The following RFX1 variants were observed in gnomAD, a reference collection of about 807,000 sequenced individuals.
RFX1 encodes the protein MHC class II regulatory factor RFX1.
RFX1 carries 42 observed loss-of-function variants against 119.6 expected under a neutral mutation model. The ratio of observed to expected loss-of-function variants is 0.35; its 90% CI spans 0.27 to 0.45. The LOEUF (loss-of-function observed/expected upper bound fraction) is 0.45. Ranked by LOEUF, RFX1 falls within the 20% of genes least tolerant of loss-of-function variation. The pLI is 1.00. For missense variants in RFX1, 1,118 were observed against 1,368.1 expected (o/e 0.82, Z 2.88); for synonymous variants, 628 against 618.5 (o/e 1.02, Z -0.23).
rs1342516027 is a variant in RFX1 at position 13,962,286 on chromosome 19, G to A, written c.*409C>T. Reference sequence around the variant, plus strand: ...GCGCCGGCCCGGGGCTCAGGGCTGGGCCCAGGACAGGCTGTGCAAAGCCAG... The same window carrying A: ...GCGCCGGCCCGGGGCTCAGGGCTGGACCCAGGACAGGCTGTGCAAAGCCAG... On this transcript the variant is annotated 3_prime_UTR_variant, in exon 21 of 21. Transcript: ENST00000254325. The A allele has an allele frequency of 9.7e-6, 2 of 205,652 alleles. No individual in the cohort carries two copies. The highest frequency in any genetic ancestry group is 2.0e-5 in the Non-Finnish European group (2 of 101,778). The allele number at this position is 205,652 out of a possible 1,614,324, so 12.7% of individuals were successfully genotyped here. A position where few individuals can be genotyped will look rare whatever the true frequency, so the allele number is the denominator to read the frequency against.
rs568267173 is a variant in RFX1 at position 14,001,207 on chromosome 19, C to T, written c.-53+4896G>A. Reference sequence around the variant, plus strand: ...TCTCCTCCTTATTCAGGTCTCAGCTCGTACACACTTCCTTGGGTCTGAAGG... The same window carrying T: ...TCTCCTCCTTATTCAGGTCTCAGCTTGTACACACTTCCTTGGGTCTGAAGG... On this transcript the variant is annotated intron_variant, in intron 1 of 20. Transcript: ENST00000254325. Among the ~76,000 whole-genome samples the T allele has an allele frequency of 1.4e-4, 22 of 152,352 alleles. No homozygotes were observed. In the East Asian group the frequency reaches 3.7e-3, roughly 25 times the overall value.
At chr19:13,999,736 C>T (rs1975151202) in intron 1 of RFX1, among the ~76,000 whole-genome samples, 1 of 151,750 alleles carries the variant, frequency 6.6e-6, no homozygotes, top group African/African-American at 2.4e-5. Context: ...AGTGCAATGG[C>T]ACAGTCTCTG....
In RFX1 at chr19:13,982,120, C is replaced by A; in HGVS notation, c.621+1G>T. The A allele has an allele frequency of 1.5e-6, 2 of 1,307,462 alleles. No homozygotes were observed. The highest frequency in any genetic ancestry group is 2.0e-6 in the Non-Finnish European group (2 of 1,017,454). The allele number at this position is 1,307,462 out of a possible 1,614,324, so 81.0% of individuals were successfully genotyped here. A position where few individuals can be genotyped will look rare whatever the true frequency, so the allele number is the denominator to read the frequency against. ...GGGCGGCCAACAGGACCACCACTTA[C>A]CTCTGGGGGCGAGTGCACCTGCTGG... On this transcript the variant is annotated splice_donor_variant, in intron 5 of 20. Transcript: ENST00000254325. LOFTEE classifies it high-confidence loss of function.
chr19:13,963,815 A>G, intron 17 of RFX1, 43 bp downstream of exon 17: 1 of 1,488,330 alleles, frequency 6.7e-7, no homozygotes, highest in Non-Finnish European at 8.9e-7. Flanking sequence ...CCGCCCCGTT[A>G]GGCTGCCCCT....
chr19:13,962,080 C>G lies in RFX1; in HGVS notation c.*615G>C, dbSNP rs1973696740. 1 of 152,328 alleles carries G rather than the reference C, an allele frequency of 6.6e-6. No individual in the cohort carries two copies. Among genetic ancestry groups the G allele is most frequent in the African/African-American group, 2.4e-5 (1 of 41,458 alleles). 9.4% of individuals were successfully genotyped at this position (152,328 alleles called of 1,614,324 possible). On this transcript the variant is annotated 3_prime_UTR_variant, in exon 21 of 21. Coordinates refer to ENST00000254325, the MANE Select transcript of RFX1 (RefSeq NM_002918.5). ...TGCCCCCTGCCGCCCTCCTCACAGC[C>G]GGGCCGGGCAGTGCCCCCTTCTTGA...
chr19:14,004,267 T>C (rs917742126), intron 1 of RFX1, among the ~76,000 whole-genome samples: 3 of 152,052 alleles, frequency 2.0e-5, no homozygotes, highest in Non-Finnish European at 2.9e-5. Context: ...CCCAGCATTT[T>C]GGGAGGCCGA....
At chr19:14,004,291 C>T (rs1242030497) in intron 1 of RFX1, among the ~76,000 whole-genome samples, 1 of 152,126 alleles carries the variant, frequency 6.6e-6, no homozygotes, top group Admixed American at 6.5e-5. Context: ...AGGTAAATCT[C>T]GAGGTCAAGA....
chr19:13,982,300 AGTGCCAGG>A, intron 4 of RFX1, 72 bp from the exon 5 acceptor site: 2 of 825,028 alleles, frequency 2.4e-6, no homozygotes, highest in African/African-American at 3.5e-5. Context: ...GCATCTGCGC[AGTGCCAGG>A]TGACATTCTA....
At chr19:13,982,058 G>T in intron 5 of RFX1, 63 bp downstream of exon 5, 2 of 797,348 alleles carry the variant, frequency 2.5e-6, no homozygotes, top group Admixed American at 3.7e-5. Flanking sequence ...ATATACTATG[G>T]GGATACATTG....
chr19:13,967,150 G>A (rs191199309), intron 12 of RFX1, among the ~76,000 whole-genome samples: 1 of 152,110 alleles, frequency 6.6e-6, no homozygotes, highest in South Asian at 2.1e-4. Flanking sequence ...AGTCGCCCTA[G>A]GGATGCCCCT....
In RFX1 at chr19:13,985,949, T is replaced by C. The variant is rs143546073; in HGVS notation, c.320-2354A>G. ...CGCATGTGGGCTGTGGGGCATTTGG[T>C]CAATCCCATGCCTGCCTGACCAGCT... On this transcript the variant is annotated intron_variant, in intron 2 of 20. Coordinates refer to ENST00000254325, the MANE Select transcript of RFX1 (RefSeq NM_002918.5). This position sits in a 1 kb window ranked among gnomAD's most constrained non-coding sequence, Gnocchi z 4.3. 3.3e-3 allele frequency among the ~76,000 whole-genome samples: 506 copies of C among 152,230 alleles called. 4 individuals carry two copies. The highest frequency in any genetic ancestry group is 0.011 in the African/African-American group (445 of 41,522).
Position 13,971,264 on chromosome 19 carries a change from G to GT in RFX1, c.1315-1090dup, listed in dbSNP as rs575396838. Among the ~76,000 whole-genome samples, 982 of 151,918 alleles carry GT rather than the reference G, an allele frequency of 6.5e-3. 16 individuals carry two copies. The highest frequency in any genetic ancestry group is 0.023 in the African/African-American group (948 of 41,428). On this transcript the variant is annotated intron_variant, in intron 9 of 20. Coordinates refer to ENST00000254325, the MANE Select transcript of RFX1 (RefSeq NM_002918.5). ...CACAAAAATTGCTTGAACCTGGGAG[G>GT]TGGGAAGGTTACAGTGAACTGAGAT...
At chr19:13,975,306 G>T (rs774119482) in intron 8 of RFX1, among the ~76,000 whole-genome samples, 1 of 151,272 alleles carries the variant, frequency 6.6e-6, no homozygotes, top group Admixed American at 6.6e-5. Flanking sequence ...AGGTTGCAGT[G>T]AGCCAAGATT....
chr19:13,994,717 ATATGTGTGTGTG>A (rs1974929594), intron 1 of RFX1, among the ~76,000 whole-genome samples: 3 of 108,390 alleles, frequency 2.8e-5, no homozygotes, highest in African/African-American at 1.0e-4. Context: ...GTCTAAATAT[ATATGTGTGTGTG>A]TGTGTGTGTG....
intron 2 of RFX1, among the ~76,000 whole-genome samples, chr19:13,989,602 T>C (rs1401777384): frequency 6.6e-6 from 1 of 152,022 alleles, no homozygotes; most frequent in Non-Finnish European, 1.5e-5. Flanking sequence ...AGTGTGTGTC[T>C]GTGTGTGTAG....
Position 13,965,844 on chromosome 19 carries a change from GA to G in RFX1, c.1962-68del. 1 of 1,564,580 alleles carries G rather than the reference GA, an allele frequency of 6.4e-7. No individual in the cohort carries two copies. The highest frequency in any genetic ancestry group is 2.2e-5 in the East Asian group (1 of 44,534). On this transcript the variant is annotated intron_variant, in intron 14 of 20. Coordinates refer to ENST00000254325, the MANE Select transcript of RFX1 (RefSeq NM_002918.5). This position sits in a 1 kb window ranked among gnomAD's most constrained non-coding sequence, Gnocchi z 4.7. The stretch of plus-strand genomic sequence containing the variant: ...TGGTCCTGCCCCCATCGTCAGAAGG[GA>G]ACAGGTAGCCCCTGTCCCTGACCCA...
intron 1 of RFX1, chr19:13,998,087 C>T (rs1298109758): frequency 6.6e-6 from 1 of 152,188 alleles, no homozygotes; most frequent in Non-Finnish European, 1.5e-5. Context: ...AACCCTGGCG[C>T]TATGTCTTAA....
rs1260277708 is a variant in RFX1, at chr19:13,985,548, A to G, written c.320-1953T>C. On this transcript the variant is annotated intron_variant, in intron 2 of 20. Transcript: ENST00000254325. This position sits in a 1 kb window ranked among gnomAD's most constrained non-coding sequence, Gnocchi z 4.3. The stretch of plus-strand genomic sequence containing the variant: ...CCAGAAGCAAGGAAGTGATCTGTCC[A>G]AGGTCAAATGCACCATCCACCGTGC... 6.6e-6 allele frequency among the ~76,000 whole-genome samples: 1 copy of G among 152,222 alleles called. No individual in the cohort carries two copies. Among genetic ancestry groups the G allele is most frequent in the Non-Finnish European group, 1.5e-5 (1 of 68,040 alleles).
intron 6 of RFX1, among the ~76,000 whole-genome samples, 172 bp from the exon 7 acceptor site, chr19:13,979,714 C>T (rs1974369021): frequency 6.6e-6 from 1 of 152,142 alleles, no homozygotes; most frequent in African/African-American, 2.4e-5. Flanking sequence ...AAGTGAGGCT[C>T]CCAGGAAGCA....
Sources: gnomAD v4.1 joint callset for allele counts (sites outside exome capture counted in the v4.1 genomes callset) on GRCh38, gnomAD v4.1.1 for gene constraint, Gnocchi (gnomAD v3.1) non-coding constraint, MANE v1.5 for transcripts, NCBI Gene and HGNC (gene_info 2026-07-23, HGNC 2026-07-21) for gene names.